NSMAF: variants seen among roughly 807,000 people sequenced by gnomAD.
NSMAF encodes neutral sphingomyelinase activation associated factor.
Under a neutral mutation model 134.9 loss-of-function variants are expected in NSMAF, and 90 were observed. The ratio of observed to expected loss-of-function variants is 0.67; its 90% CI spans 0.56 to 0.79. The LOEUF (loss-of-function observed/expected upper bound fraction) is 0.79, where lower values mean the gene tolerates loss of function less well. NSMAF is among the 30% of genes least tolerant of loss of function. The pLI is 0.00. For missense variants in NSMAF, 1,010 were observed against 1,119.0 expected (o/e 0.90, Z 1.39); for synonymous variants, 358 against 389.6 (o/e 0.92, Z 0.96).
In NSMAF at chr8:58,609,638, G is replaced by C; in HGVS notation, c.653C>G (p.Thr218Arg). The C allele has an allele frequency of 6.2e-7, 1 of 1,614,186 alleles. No homozygotes were observed. The highest frequency in any genetic ancestry group is 8.5e-7 in the Non-Finnish European group (1 of 1,180,008). Residue 218 changes from threonine to arginine, a missense_variant, in exon 10 of 31, where the codon ACA becomes AGA. Transcript: ENST00000038176. ...TNPGHVCITDTNLYFQPLNGY... is the reference protein window; with the variant it reads ...TNPGHVCITDRNLYFQPLNGY... ...GTTGAGGGGCTGAAAATACAGGTTT[G>C]TGTCCGTGATGCACACGTGTCCAGG...
In NSMAF at chr8:58,635,362, C is replaced by T. The variant is rs756440003; in HGVS notation, c.239G>A (p.Arg80Lys). Reference protein sequence around the residue: ...ISQPIIKIPLRDCIKIGKHGE... With the variant: ...ISQPIIKIPLKDCIKIGKHGE... ...ATGCTTTCCTATTTTTATACAGTCT[C>T]TCAAAGGAATCTGGATAAAATTGAG... is the stretch of plus-strand genomic sequence containing the variant. Residue 80 changes from arginine (R) to lysine (K), a missense_variant, in exon 4 of 31, where the codon AGA becomes AAA. By Grantham distance (26) the Arg-to-Lys change is conservative (BLOSUM62 2). Transcript: ENST00000038176. The T allele has an allele frequency of 1.9e-5, 31 of 1,604,450 alleles. No individual in the cohort carries two copies. The highest frequency in any genetic ancestry group is 2.6e-5 in the Non-Finnish European group (31 of 1,176,826).
At chr8:58,602,683 T>G (rs1260494393) in intron 13 of NSMAF, among the ~76,000 whole-genome samples, 1 of 152,156 alleles carries the variant, frequency 6.6e-6, no homozygotes, top group African/African-American at 2.4e-5. Flanking sequence ...CAAAATAAAG[T>G]TACAATACAA....
At chr8:58,642,950 T>C in intron 2 of NSMAF, 34 bp downstream of exon 2, 1 of 1,462,988 alleles carries the variant, frequency 6.8e-7, no homozygotes, top group Non-Finnish European at 9.6e-7. Flanking sequence ...TCAGAAAGGT[T>C]TGTTTGTCCA....
intron 10 of NSMAF, among the ~76,000 whole-genome samples, chr8:58,608,283 TTA>T (rs1806453081): frequency 1.3e-5 from 2 of 152,220 alleles, no homozygotes; most frequent in African/African-American, 2.4e-5. Flanking sequence ...TCATTAAAAA[TTA>T]CAGTGTATTA....
Position 58,635,356 on chromosome 8 carries a change from C to A in NSMAF, c.245G>T (p.Cys82Phe), listed in dbSNP as rs753128180. Residue 82 changes from cysteine to phenylalanine, a missense_variant, in exon 4 of 31, where the codon TGT (cysteine) becomes TTT (phenylalanine). Physicochemically the swap from Cys to Phe is radical, Grantham distance 205. Coordinates refer to ENST00000038176, the MANE Select transcript of NSMAF (RefSeq NM_003580.4). The part of the protein sequence containing the change: ...QPIIKIPLRD[C>F]IKIGKHGENG... Reference sequence around the variant, plus strand: ...TTCTCCATGCTTTCCTATTTTTATACAGTCTCTCAAAGGAATCTGGATAAA... The same window carrying A: ...TTCTCCATGCTTTCCTATTTTTATAAAGTCTCTCAAAGGAATCTGGATAAA... The A allele has an allele frequency of 2.5e-6, 4 of 1,607,118 alleles. No homozygotes were observed. The South Asian group carries it at 4.5e-5, about 18-fold the overall frequency.
At chr8:58,659,303 C>G in intron 1 of NSMAF, 1 of 1,525,408 alleles carries the variant, frequency 6.6e-7, no homozygotes. Flanking sequence ...CCGGATAGCT[C>G]GGCATGCCTC....
In NSMAF at chr8:58,586,352, T is replaced by C. The variant is rs1376864904; in HGVS notation, c.2446+106A>G. The C allele has an allele frequency of 1.1e-5, 13 of 1,133,244 alleles. 1 individual carries two copies. The highest frequency in any genetic ancestry group is 1.7e-5 in the Non-Finnish European group (13 of 783,152). 70.2% of individuals were successfully genotyped at this position (1,133,244 alleles called of 1,614,324 possible). A position where few individuals can be genotyped will look rare whatever the true frequency, so the allele number is the denominator to read the frequency against. On this transcript the variant is annotated intron_variant, in intron 28 of 30. Transcript: ENST00000038176. The stretch of plus-strand genomic sequence containing the variant: ...CAAAACCTCTTTTATCAGCAAATAG[T>C]GTTTTTCTTTGTAAGTTTTATTGTT...
chr8:58,606,796 C>T (rs1170593923), intron 11 of NSMAF, among the ~76,000 whole-genome samples: 1 of 152,146 alleles, frequency 6.6e-6, no homozygotes, highest in Non-Finnish European at 1.5e-5. Flanking sequence ...GGAAGTTAAC[C>T]CCCGGAGTCT....
At chr8:58,595,689 G>A (rs779284708) in intron 21 of NSMAF, 30 bp from the exon 22 acceptor site, 3 of 1,359,958 alleles carry the variant, frequency 2.2e-6, no homozygotes, top group Admixed American at 1.7e-5. Context: ...TTTTTGCTAA[G>A]TCAACTAAGT....
chr8:58,623,442 G>T lies in NSMAF; in HGVS notation c.457-18C>A, dbSNP rs368520351. ...CTGTGAAGCTACAGTATCATAAACA[G>T]ACATGAATTTATTTTTTCTCTCAGA... On this transcript the variant is annotated intron_variant, in intron 7 of 30. Transcript: ENST00000038176. 13 of 1,608,012 alleles carry T rather than the reference G, an allele frequency of 8.1e-6. No homozygotes were observed. The highest frequency in any genetic ancestry group is 2.7e-5 in the African/African-American group (2 of 74,610).
chr8:58,640,698 C>A (rs1807314826), intron 2 of NSMAF, among the ~76,000 whole-genome samples: 1 of 151,836 alleles, frequency 6.6e-6, no homozygotes, highest in Non-Finnish European at 1.5e-5. Context: ...TAATTAAATT[C>A]ATTTGTTTCT....
chr8:58,649,720 C>T (rs977888652), intron 1 of NSMAF, among the ~76,000 whole-genome samples: 5 of 152,178 alleles, frequency 3.3e-5, no homozygotes, highest in Non-Finnish European at 5.9e-5. Context: ...CCTCCTCTCT[C>T]TTGCTCCCTC....
intron 16 of NSMAF, 131 bp downstream of exon 16, chr8:58,601,154 A>C: frequency 4.0e-6 from 3 of 746,968 alleles, no homozygotes; most frequent in Non-Finnish European, 6.7e-6. Context: ...GCCTGAGAGG[A>C]ATAGATAGAA....
chr8:58,638,301 T>C (rs1807249303), intron 2 of NSMAF, among the ~76,000 whole-genome samples: 1 of 152,142 alleles, frequency 6.6e-6, no homozygotes, highest in African/African-American at 2.4e-5. Context: ...CTCCTCAGCC[T>C]CCTGAGTAGC....
At chr8:58,637,420 T>C (rs986777734) in intron 2 of NSMAF, 8 of 456,058 alleles carry the variant, frequency 1.8e-5, no homozygotes, top group African/African-American at 4.0e-5. Flanking sequence ...AGAAATACTG[T>C]CATTTAAAGA....
At chr8:58,601,259 T>A (rs1806271742) in intron 16 of NSMAF, 26 bp downstream of exon 16, 1 of 1,584,236 alleles carries the variant, frequency 6.3e-7, no homozygotes, top group Non-Finnish European at 8.7e-7. Flanking sequence ...GTGTTAAAAA[T>A]GATAAGCAAG....
At position 58,654,297 on chromosome 8, in the gene NSMAF, G is replaced by A. The variant is rs1475540494; in HGVS notation, c.59+5276C>T. Among the ~76,000 whole-genome samples, 4 of 152,172 alleles carry A rather than the reference G, an allele frequency of 2.6e-5. No homozygotes were observed. In the East Asian group the frequency reaches 7.7e-4, roughly 29 times the overall value. Reference sequence around the variant, plus strand: ...ACACAATTGATTAAACAAACATATTGAGTAAAAGAAAGTTGGGCCGGGCGT... The same window carrying A: ...ACACAATTGATTAAACAAACATATTAAGTAAAAGAAAGTTGGGCCGGGCGT... On this transcript the variant is annotated intron_variant, in intron 1 of 30. Transcript: ENST00000038176.
intron 2 of NSMAF, 134 bp from the exon 3 acceptor site, chr8:58,635,680 G>A (rs921861934): frequency 1.2e-4 from 70 of 566,510 alleles, no homozygotes; most frequent in Non-Finnish European, 1.8e-4. Flanking sequence ...TAAAGAGAAC[G>A]TCTCTATTTT....
At chr8:58,641,078 C>T (rs1473251606) in intron 2 of NSMAF, among the ~76,000 whole-genome samples, 1 of 151,784 alleles carries the variant, frequency 6.6e-6, no homozygotes, top group Non-Finnish European at 1.5e-5. Context: ...TGCACCACCA[C>T]GCCTGGCTAA....
Sources: allele counts gnomAD v4.1 joint callset (sites outside exome capture counted in the v4.1 genomes callset), GRCh38; gene constraint gnomAD v4.1.1; transcripts MANE v1.5; gene names NCBI Gene and HGNC (gene_info 2026-07-23, HGNC 2026-07-21).